The following ZFPM2 variants were observed in gnomAD, a reference collection of about 807,000 sequenced individuals.
ZFPM2 encodes zinc finger protein, FOG family member 2, also known as zinc finger protein ZFPM2.
In ZFPM2, 20 loss-of-function variants were observed where a neutral mutation model predicts 98.6. That is an observed-to-expected ratio of 0.20 (90% CI 0.14 to 0.29). ZFPM2 has a LOEUF of 0.29. Ranked by LOEUF, ZFPM2 falls within the 10% of genes least tolerant of loss-of-function variation. The pLI, the probability that ZFPM2 is intolerant of heterozygous loss-of-function variation, is 1.00. For missense variants in ZFPM2, 1,310 were observed against 1,388.6 expected (o/e 0.94, Z 0.90); for synonymous variants, 518 against 502.7 (o/e 1.03, Z -0.41).
At chr8:105,770,326 T>C (rs1812952175) in intron 5 of ZFPM2, among the ~76,000 whole-genome samples, 2 of 152,106 alleles carry the variant, frequency 1.3e-5, no homozygotes, top group African/African-American at 4.8e-5. Flanking sequence ...ATGGCAATGA[T>C]GCACTATTGT....
intron 3 of ZFPM2, among the ~76,000 whole-genome samples, chr8:105,489,962 T>C (rs1387114471): frequency 6.6e-6 from 1 of 152,014 alleles, no homozygotes; most frequent in African/African-American, 2.4e-5. Context: ...TAAAAAATGA[T>C]GTCCTGCCAG....
intron 3 of ZFPM2, among the ~76,000 whole-genome samples, chr8:105,535,118 C>T (rs936396574): frequency 2.6e-5 from 4 of 152,104 alleles, no homozygotes; most frequent in Admixed American, 2.0e-4. Flanking sequence ...CTGGAAATTC[C>T]AAATGTCTTT....
rs181012674 is a variant in ZFPM2, at chr8:105,457,938, A to G, written c.301+13557A>G. Among the ~76,000 whole-genome samples, 6 of 152,318 alleles carry G rather than the reference A, an allele frequency of 3.9e-5. No homozygotes were observed. The East Asian group carries it at 1.2e-3, about 29-fold the overall frequency. On this transcript the variant is annotated intron_variant, in intron 3 of 7. Coordinates refer to ENST00000407775, the MANE Select transcript of ZFPM2 (RefSeq NM_012082.4). ...AGGCTGCCTATTGAAGATGCTTTACATCTACCAACTATATAAAGGCAACAA... is the reference window on the plus strand; with the variant it reads ...AGGCTGCCTATTGAAGATGCTTTACGTCTACCAACTATATAAAGGCAACAA...
chr8:105,748,334 T>C (rs1483897080), intron 5 of ZFPM2, among the ~76,000 whole-genome samples: 1 of 152,088 alleles, frequency 6.6e-6, no homozygotes, highest in Non-Finnish European at 1.5e-5. Flanking sequence ...AAGCATGTAA[T>C]TTTAAATCTG....
intron 4 of ZFPM2, among the ~76,000 whole-genome samples, chr8:105,622,982 G>T (rs1341402238): frequency 6.6e-6 from 1 of 151,786 alleles, no homozygotes; most frequent in African/African-American, 2.4e-5. Flanking sequence ...CTATTAACTT[G>T]CTTATATTTT....
intron 3 of ZFPM2, among the ~76,000 whole-genome samples, chr8:105,491,622 C>G (rs536144411): frequency 6.6e-6 from 1 of 152,178 alleles, no homozygotes; most frequent in Non-Finnish European, 1.5e-5. Flanking sequence ...TTCACAAGAG[C>G]AAGATGAATT....
At chr8:105,353,173 A>G (rs1313137915) in intron 1 of ZFPM2, among the ~76,000 whole-genome samples, 3 of 152,130 alleles carry the variant, frequency 2.0e-5, no homozygotes, top group Admixed American at 1.3e-4. Context: ...TTTCTTGGGT[A>G]TCAGAGGTCT....
intron 5 of ZFPM2, among the ~76,000 whole-genome samples, chr8:105,648,649 T>G (rs375127857): frequency 5.9e-5 from 9 of 152,162 alleles, no homozygotes; most frequent in Admixed American, 1.3e-4. Context: ...TTTCCCCATT[T>G]CTTGTTTTTG....
At chr8:105,599,169 C>A (rs1642668218) in intron 4 of ZFPM2, among the ~76,000 whole-genome samples, 1 of 152,016 alleles carries the variant, frequency 6.6e-6, no homozygotes, top group South Asian at 2.1e-4. Context: ...AAATGCCACT[C>A]TCCCTGGGTG....
intron 4 of ZFPM2, among the ~76,000 whole-genome samples, chr8:105,573,249 G>A (rs901160595): frequency 2.0e-5 from 3 of 152,166 alleles, no homozygotes; most frequent in Admixed American, 2.0e-4. Context: ...AAAAGCCACA[G>A]TGCTTTGGTA....
intron 4 of ZFPM2, among the ~76,000 whole-genome samples, chr8:105,571,835 T>C (rs901497282): frequency 6.6e-6 from 1 of 152,144 alleles, no homozygotes; most frequent in African/African-American, 2.4e-5. Flanking sequence ...TTTAATCTAA[T>C]TTTCAATAAA....
At chr8:105,474,276 G>GGTTGAT (rs1462105766) in intron 3 of ZFPM2, among the ~76,000 whole-genome samples, 1 of 152,100 alleles carries the variant, frequency 6.6e-6, no homozygotes, top group Non-Finnish European at 1.5e-5. Flanking sequence ...TTTGTTTTAA[G>GGTTGAT]GTTGATAAAA....
chr8:105,479,357 A>G (rs1383422327), intron 3 of ZFPM2, among the ~76,000 whole-genome samples: 1 of 152,116 alleles, frequency 6.6e-6, no homozygotes, highest in Non-Finnish European at 1.5e-5. Flanking sequence ...CCTAGTAAAC[A>G]TTGTTTCTTT....
chr8:105,361,326 T>C (rs1344806607), intron 1 of ZFPM2, among the ~76,000 whole-genome samples: 2 of 149,500 alleles, frequency 1.3e-5, no homozygotes, highest in Admixed American at 1.3e-4. Context: ...GGGTTTTGTT[T>C]TTTTCTTGTA....
chr8:105,560,993 A>G (rs755063561), intron 3 of ZFPM2, among the ~76,000 whole-genome samples: 4 of 152,218 alleles, frequency 2.6e-5, no homozygotes, highest in Non-Finnish European at 4.4e-5. Flanking sequence ...TCTTGAATAA[A>G]TACAAGAATT....
intron 4 of ZFPM2, among the ~76,000 whole-genome samples, chr8:105,586,857 T>G (rs1201259362): frequency 6.7e-6 from 1 of 148,964 alleles, no homozygotes; most frequent in Non-Finnish European, 1.5e-5. Context: ...TTTATATATA[T>G]ATATATATTC....
intron 6 of ZFPM2, among the ~76,000 whole-genome samples, chr8:105,796,272 T>G (rs1813810892): frequency 8.8e-6 from 1 of 113,664 alleles, no homozygotes. Flanking sequence ...TCTAGGAGTA[T>G]CTGATGTTAA....
intron 1 of ZFPM2, among the ~76,000 whole-genome samples, chr8:105,356,577 T>C (rs1157031510): frequency 2.0e-5 from 3 of 152,218 alleles, no homozygotes; most frequent in Non-Finnish European, 4.4e-5. Context: ...AGCCAGATGC[T>C]GTGAATATTG....
chr8:105,794,931 G>A (rs1007168868), intron 6 of ZFPM2, among the ~76,000 whole-genome samples: 18 of 152,178 alleles, frequency 1.2e-4, no homozygotes, highest in East Asian at 3.9e-4. Context: ...TAAGCCTGTC[G>A]GAAAATCGCA....
Sources: gnomAD v4.1 joint callset for allele counts (sites outside exome capture counted in the v4.1 genomes callset) on GRCh38, gnomAD v4.1.1 for gene constraint, MANE v1.5 for transcripts, NCBI Gene and HGNC (gene_info 2026-07-23, HGNC 2026-07-21) for gene names.